Variants in NELL1 observed in about 807,000 individuals in gnomAD.
The protein encoded by NELL1 is neural EGFL like 1.
NELL1 carries 76 observed loss-of-function variants against 107.4 expected under a neutral mutation model. The ratio of observed to expected loss-of-function variants is 0.71; its 90% CI spans 0.59 to 0.86. The LOEUF (loss-of-function observed/expected upper bound fraction) is 0.86, where lower values mean the gene tolerates loss of function less well. NELL1 is among the 40% of genes least tolerant of loss of function. The pLI, the probability that NELL1 is intolerant of heterozygous loss-of-function variation, is 0.00. For synonymous variants in NELL1, 353 were observed against 341.2 expected (o/e 1.03, Z -0.38); for missense variants, 1,024 against 1,005.5 (o/e 1.02, Z -0.25).
At chr11:20,830,053 C>G (rs1287839408) in intron 3 of NELL1, among the ~76,000 whole-genome samples, 1 of 151,826 alleles carries the variant, frequency 6.6e-6, no homozygotes, top group African/African-American at 2.4e-5. Context: ...GCAGGTGGAC[C>G]ACGAGGTCAA....
intron 15 of NELL1, among the ~76,000 whole-genome samples, chr11:21,437,233 T>A (rs984433387): frequency 6.6e-6 from 1 of 152,238 alleles, no homozygotes; most frequent in African/African-American, 2.4e-5. Flanking sequence ...ACTATTGTAT[T>A]GGGCTCTATC....
At chr11:21,071,554 C>T (rs1042615525) in intron 12 of NELL1, among the ~76,000 whole-genome samples, 11 of 152,194 alleles carry the variant, frequency 7.2e-5, no homozygotes, top group Admixed American at 7.2e-4. Flanking sequence ...AAGGCAGCCT[C>T]CTAAACTTCA....
chr11:21,349,156 A>G (rs566854751), intron 14 of NELL1, among the ~76,000 whole-genome samples: 1 of 152,246 alleles, frequency 6.6e-6, no homozygotes, highest in East Asian at 1.9e-4. Flanking sequence ...TGGAAAGAGA[A>G]AATAACAAGA....
intron 13 of NELL1, among the ~76,000 whole-genome samples, chr11:21,158,083 C>T (rs1355980641): frequency 5.3e-5 from 8 of 152,100 alleles, no homozygotes; most frequent in Non-Finnish European, 7.4e-5. Flanking sequence ...GGACTAGACT[C>T]GCTAAGTCTT....
intron 12 of NELL1, among the ~76,000 whole-genome samples, chr11:20,990,008 AAAAG>A (rs1204769299): frequency 1.3e-5 from 2 of 151,932 alleles, no homozygotes; most frequent in Non-Finnish European, 2.9e-5. Context: ...AAAAAAAAAA[AAAAG>A]AAATTCCAGT....
At chr11:20,829,966 T>G (rs1857971702) in intron 3 of NELL1, among the ~76,000 whole-genome samples, 1 of 152,124 alleles carries the variant, frequency 6.6e-6, no homozygotes, top group Admixed American at 6.5e-5. Context: ...ATTTTGTAAT[T>G]AAAGAAATTA....
At chr11:21,160,132 A>G (rs1269474448) in intron 13 of NELL1, among the ~76,000 whole-genome samples, 1 of 152,236 alleles carries the variant, frequency 6.6e-6, no homozygotes, top group East Asian at 1.9e-4. Context: ...CTCAAAGAAT[A>G]CAAAGAGAGC....
chr11:21,014,757 A>G (rs1463134287), intron 12 of NELL1, among the ~76,000 whole-genome samples: 1 of 152,098 alleles, frequency 6.6e-6, no homozygotes, highest in Non-Finnish European at 1.5e-5. Flanking sequence ...TTGGATGGGG[A>G]ATGTAATTAG....
chr11:20,863,816 A>C (rs993216693), intron 4 of NELL1, among the ~76,000 whole-genome samples: 13 of 152,272 alleles, frequency 8.5e-5, no homozygotes, highest in South Asian at 2.1e-4. Flanking sequence ...AGCCTGGGCA[A>C]CATTGAGCAC....
intron 15 of NELL1, among the ~76,000 whole-genome samples, chr11:21,455,845 C>A (rs1485135257): frequency 6.7e-6 from 1 of 148,320 alleles, no homozygotes; most frequent in Non-Finnish European, 1.5e-5. Flanking sequence ...TTTACTTTTT[C>A]TTTTCTTTTC....
chr11:21,514,196 G>T (rs1052521792), intron 15 of NELL1, among the ~76,000 whole-genome samples: 1 of 152,014 alleles, frequency 6.6e-6, no homozygotes, highest in Non-Finnish European at 1.5e-5. Flanking sequence ...ATACATTAAA[G>T]AAAATAGTTT....
chr11:21,106,772 G>GT (rs1266520955), intron 12 of NELL1, among the ~76,000 whole-genome samples: 1 of 152,010 alleles, frequency 6.6e-6, no homozygotes, highest in Non-Finnish European at 1.5e-5. Context: ...ATAGGCATTT[G>GT]TTTTTCCCCC....
intron 12 of NELL1, among the ~76,000 whole-genome samples, chr11:21,090,220 G>A (rs773774584): frequency 4.6e-5 from 7 of 152,134 alleles, no homozygotes; most frequent in Admixed American, 3.3e-4. Flanking sequence ...GTTTATAAAG[G>A]CTAGTTCATC....
At chr11:21,178,763 TA>T (rs35795109) in intron 13 of NELL1, among the ~76,000 whole-genome samples, 43,124 of 143,282 alleles carry the variant, frequency 0.3, 6,357 homozygotes, top group Middle Eastern at 0.37. Context: ...GAACTTGTCT[TA>T]AAAAAAAAAA....
At chr11:20,731,914 C>A (rs1426268298) in intron 2 of NELL1, among the ~76,000 whole-genome samples, 2 of 152,154 alleles carry the variant, frequency 1.3e-5, no homozygotes, top group Non-Finnish European at 2.9e-5. Context: ...GCTTTGTCCT[C>A]AGCTGTCTTA....
intron 14 of NELL1, among the ~76,000 whole-genome samples, chr11:21,247,867 A>C (rs1439297751): frequency 6.6e-6 from 1 of 151,986 alleles, no homozygotes; most frequent in African/African-American, 2.4e-5. Flanking sequence ...CATTATGACC[A>C]ATAGGAATTT....
intron 3 of NELL1, among the ~76,000 whole-genome samples, chr11:20,818,687 T>G (rs973910809): frequency 6.6e-6 from 1 of 152,176 alleles, no homozygotes; most frequent in Non-Finnish European, 1.5e-5. Context: ...TAGCCTGACT[T>G]AGGGCACTTA....
At chr11:21,208,397 T>C (rs1443044659) in intron 13 of NELL1, among the ~76,000 whole-genome samples, 1 of 150,864 alleles carries the variant, frequency 6.6e-6, no homozygotes, top group Non-Finnish European at 1.5e-5. Context: ...TTTCTATTTA[T>C]GCACAATTAT....
chr11:20,925,800 C>T (rs542441876), intron 7 of NELL1, among the ~76,000 whole-genome samples: 158 of 152,084 alleles, frequency 1.0e-3, no homozygotes, highest in African/African-American at 3.8e-3. Flanking sequence ...TTGAGAAATT[C>T]CAAAAGCTTG....
Sources: gnomAD v4.1 joint callset for allele counts (sites outside exome capture counted in the v4.1 genomes callset) on GRCh38, gnomAD v4.1.1 for gene constraint, MANE v1.5 for transcripts, NCBI Gene and HGNC (gene_info 2026-07-23, HGNC 2026-07-21) for gene names.